The following SCAPER variants were observed in gnomAD, a reference collection of about 807,000 sequenced individuals.
The protein encoded by SCAPER is S-phase cyclin A associated protein in the ER.
SCAPER carries 98 observed loss-of-function variants against 182.2 expected under a neutral mutation model. The observed-to-expected ratio is 0.54, with a 90% CI of 0.46 to 0.64. SCAPER has a LOEUF of 0.64. Among genes scored for constraint, SCAPER ranks in the 30% least tolerant of loss-of-function variants. The probability of loss-of-function intolerance (pLI) is 0.00; values close to 1 mark genes in which losing one functional copy is unlikely to be tolerated. For missense variants in SCAPER, 1,432 were observed against 1,690.0 expected, an observed-to-expected ratio of 0.85 and a Z score of 2.68; for synonymous variants, 605 against 564.6, an observed-to-expected ratio of 1.07 and a Z score of -1.01.
intron 6 of SCAPER, among the ~76,000 whole-genome samples, chr15:76,800,887 G>T (rs1234671448): frequency 1.3e-5 from 2 of 152,140 alleles, no homozygotes. Flanking sequence ...GGAAAGCTAA[G>T]AAACATAACT....
At chr15:76,418,057 A>G (rs948415208) in intron 26 of SCAPER, among the ~76,000 whole-genome samples, 2 of 152,166 alleles carry the variant, frequency 1.3e-5, no homozygotes, top group African/African-American at 4.8e-5. Flanking sequence ...GTGGTCAAGG[A>G]GTGTCAGCAA....
intron 27 of SCAPER, among the ~76,000 whole-genome samples, chr15:76,394,658 G>T (rs1555422326): frequency 6.6e-6 from 1 of 152,098 alleles, no homozygotes; most frequent in Non-Finnish European, 1.5e-5. Flanking sequence ...GTTCTTAGCA[G>T]GTCACTTCCT....
chr15:76,669,803 C>T (rs188869167), intron 20 of SCAPER, among the ~76,000 whole-genome samples: 39 of 152,254 alleles, frequency 2.6e-4, no homozygotes, highest in African/African-American at 8.4e-4. Context: ...GGCTAGTCTC[C>T]GACATGTGAT....
At chr15:76,710,268 T>C (rs1168550803) in intron 17 of SCAPER, among the ~76,000 whole-genome samples, 2 of 152,072 alleles carry the variant, frequency 1.3e-5, no homozygotes, top group African/African-American at 2.4e-5. Context: ...GTATAAAAAG[T>C]ACTAAAGAAC....
At chr15:76,649,885 TGAAA>T (rs1294162008) in intron 21 of SCAPER, among the ~76,000 whole-genome samples, 1 of 151,992 alleles carries the variant, frequency 6.6e-6, no homozygotes, top group Non-Finnish European at 1.5e-5. Context: ...GTTATTCAGA[TGAAA>T]GAAAATGACA....
chr15:76,719,541 G>C (rs772112682), intron 17 of SCAPER, among the ~76,000 whole-genome samples: 1 of 152,060 alleles, frequency 6.6e-6, no homozygotes, highest in Non-Finnish European at 1.5e-5. Flanking sequence ...TGAGATTTTA[G>C]TTGCCCTTGC....
chr15:76,784,430 G>C (rs555702114), intron 8 of SCAPER, among the ~76,000 whole-genome samples: 1 of 152,278 alleles, frequency 6.6e-6, no homozygotes, highest in African/African-American at 2.4e-5. Flanking sequence ...TGGACAGGAA[G>C]AATCAATATT....
chr15:76,371,534 G>A (rs1192048165), intron 29 of SCAPER, among the ~76,000 whole-genome samples: 1 of 151,454 alleles, frequency 6.6e-6, no homozygotes, highest in Non-Finnish European at 1.5e-5. Context: ...TGGCCAGGCT[G>A]GTCTCGAGCT....
At chr15:76,391,598 G>A (rs1372807844) in intron 27 of SCAPER, among the ~76,000 whole-genome samples, 1 of 152,208 alleles carries the variant, frequency 6.6e-6, no homozygotes, top group African/African-American at 2.4e-5. Context: ...CATGAGATGT[G>A]GGCAGTCCTT....
intron 1 of SCAPER, among the ~76,000 whole-genome samples, chr15:76,901,687 T>C (rs1211555949): frequency 6.6e-6 from 1 of 151,878 alleles, no homozygotes; most frequent in Non-Finnish European, 1.5e-5. Context: ...TTTCATGTCA[T>C]AGAAGAAAAA....
intron 29 of SCAPER, 149 bp downstream of exon 29, chr15:76,376,013 A>G: frequency 1.2e-6 from 1 of 868,916 alleles, no homozygotes; most frequent in Non-Finnish European, 1.7e-6. Context: ...TTTGAAGAGA[A>G]GGAGCTAGAG....
intron 5 of SCAPER, among the ~76,000 whole-genome samples, chr15:76,833,806 T>C (rs941876635): frequency 3.9e-5 from 6 of 152,298 alleles, no homozygotes; most frequent in Admixed American, 3.3e-4. Flanking sequence ...AACAAGAAGA[T>C]TTAACTGTCT....
rs1418501119 is a variant in SCAPER at position 76,510,881 on chromosome 15, G to A, written c.2839-5907C>T. ...GGTGCGCGCGTGTGTGTGTGTGTGT[G>A]TGTGTGTGCGCGCGCGCACGTATGG... On this transcript the variant is annotated intron_variant, in intron 23 of 31. Transcript: ENST00000563290. Among the ~76,000 whole-genome samples, 3 of 150,422 alleles carry A rather than the reference G, an allele frequency of 2.0e-5. No homozygotes were observed. The East Asian group carries it at 5.8e-4, about 29-fold the overall frequency.
chr15:76,756,723 A>G (rs1386874791), intron 14 of SCAPER, among the ~76,000 whole-genome samples: 1 of 152,222 alleles, frequency 6.6e-6, no homozygotes, highest in Non-Finnish European at 1.5e-5. Flanking sequence ...CAGTTATAAG[A>G]GTGACTGTAT....
At chr15:76,866,547 TC>T (rs2072315920) in intron 2 of SCAPER, among the ~76,000 whole-genome samples, 1 of 152,164 alleles carries the variant, frequency 6.6e-6, no homozygotes, top group South Asian at 2.1e-4. Flanking sequence ...TATTCTTAAT[TC>T]CAATACTTGA....
At chr15:76,618,377 C>G (rs2051692828) in intron 22 of SCAPER, among the ~76,000 whole-genome samples, 2 of 152,074 alleles carry the variant, frequency 1.3e-5, no homozygotes, top group Non-Finnish European at 2.9e-5. Context: ...TCTCATATTC[C>G]TTCTTTCAAA....
chr15:76,405,776 A>G (rs567461419), intron 26 of SCAPER, among the ~76,000 whole-genome samples: 1 of 152,342 alleles, frequency 6.6e-6, no homozygotes, highest in East Asian at 1.9e-4. Flanking sequence ...GCAGTTCTGC[A>G]AATCAACATG....
chr15:76,395,555 A>G (rs908658905), intron 27 of SCAPER, among the ~76,000 whole-genome samples: 1 of 152,154 alleles, frequency 6.6e-6, no homozygotes, highest in African/African-American at 2.4e-5. Flanking sequence ...CTGGGATGAG[A>G]TGATATCTCT....
At chr15:76,591,047 G>C (rs2049064804) in intron 22 of SCAPER, among the ~76,000 whole-genome samples, 1 of 152,190 alleles carries the variant, frequency 6.6e-6, no homozygotes, top group African/African-American at 2.4e-5. Context: ...AGGCGAGGTG[G>C]TGAATGATGA....
Sources: allele counts gnomAD v4.1 joint callset (sites outside exome capture counted in the v4.1 genomes callset), GRCh38; gene constraint gnomAD v4.1.1; transcripts MANE v1.5; gene names NCBI Gene and HGNC (gene_info 2026-07-23, HGNC 2026-07-21).